Variants in ARAP2 observed in about 807,000 individuals in gnomAD.
ARAP2 encodes arf-GAP with Rho-GAP domain, ANK repeat and PH domain-containing protein 2.
Under a neutral mutation model 194.5 loss-of-function variants are expected in ARAP2, and 148 were observed. The observed-to-expected ratio is 0.76, with a 90% confidence interval of 0.67 to 0.87. The LOEUF is 0.87. Among genes scored for constraint, ARAP2 ranks in the 40% least tolerant of loss-of-function variants. ARAP2 has a pLI of 0.00. For synonymous variants in ARAP2, 695 were observed against 683.5 expected (o/e 1.02, Z -0.26); for missense variants, 2,128 against 1,989.7 (o/e 1.07, Z -1.32).
intron 31 of ARAP2, 102 bp from the exon 32 acceptor site, chr4:36,073,925 A>G: frequency 7.3e-7 from 1 of 1,378,922 alleles, no homozygotes; most frequent in Non-Finnish European, 1.0e-6. Context: ...ACATCAAATG[A>G]TCTGATTTCC....
At chr4:36,210,304 G>A in intron 6 of ARAP2, 86 bp downstream of exon 6, 1 of 1,269,864 alleles carries the variant, frequency 7.9e-7, no homozygotes, top group Non-Finnish European at 1.1e-6. Flanking sequence ...GTGGAGTGGG[G>A]GAACAGCAAC....
At chr4:36,240,299 A>C (rs1188723345) in intron 1 of ARAP2, among the ~76,000 whole-genome samples, 1 of 152,220 alleles carries the variant, frequency 6.6e-6, no homozygotes, top group Admixed American at 6.5e-5. Context: ...TTCGGTCTGC[A>C]TAGTAGTATT....
chr4:36,080,361 T>C lies in ARAP2; in HGVS notation c.4545-82A>G, dbSNP rs1729237024. ...GTGTATCTGCTGAGTGATTTGGTGA[T>C]CAAAAATCTCTGGGTCTCTCCTGAT... is the stretch of plus-strand genomic sequence containing the variant. On this transcript the variant is annotated intron_variant, in intron 30 of 32. Transcript: ENST00000303965. The C allele has an allele frequency of 3.8e-5, 43 of 1,130,824 alleles. No homozygotes were observed. In the South Asian group the frequency reaches 5.4e-4, roughly 14 times the overall value. 70.0% of individuals were successfully genotyped at this position (1,130,824 alleles called of 1,614,324 possible).
At chr4:36,080,317 G>C in intron 30 of ARAP2, 38 bp from the exon 31 acceptor site, 1 of 1,534,670 alleles carries the variant, frequency 6.5e-7, no homozygotes, top group Non-Finnish European at 9.0e-7. Context: ...CATTCAAAAA[G>C]ACAATTGACT....
chr4:36,084,362 T>A (rs1299110154), intron 28 of ARAP2, among the ~76,000 whole-genome samples: 2 of 152,106 alleles, frequency 1.3e-5, no homozygotes, highest in African/African-American at 4.8e-5. Flanking sequence ...TTGACTGGGG[T>A]AGTACCTTGT....
At chr4:36,196,656 C>T (rs1560641436) in intron 6 of ARAP2, among the ~76,000 whole-genome samples, 1 of 152,038 alleles carries the variant, frequency 6.6e-6, no homozygotes, top group Non-Finnish European at 1.5e-5. Context: ...CAGGGTGTAG[C>T]AGATGAAAGA....
At chr4:36,234,976 G>A (rs1273846959) in intron 1 of ARAP2, among the ~76,000 whole-genome samples, 2 of 152,134 alleles carry the variant, frequency 1.3e-5, no homozygotes, top group Admixed American at 1.3e-4. Context: ...AATTCCATGA[G>A]GCAACAAAAG....
At chr4:36,158,505 T>C (rs1733115654) in intron 15 of ARAP2, among the ~76,000 whole-genome samples, 1 of 152,132 alleles carries the variant, frequency 6.6e-6, no homozygotes, top group Non-Finnish European at 1.5e-5. Context: ...AAGGTAGACA[T>C]AAGTGAATTC....
chr4:36,158,660 T>C, intron 15 of ARAP2, 70 bp downstream of exon 15: 2 of 1,336,068 alleles, frequency 1.5e-6, no homozygotes, highest in Non-Finnish European at 1.0e-6. Context: ...AATCAAAATC[T>C]AAACCTAATT....
intron 2 of ARAP2, 142 bp downstream of exon 2, chr4:36,228,440 T>A (rs974368398): frequency 1.3e-6 from 1 of 778,798 alleles, no homozygotes; most frequent in Non-Finnish European, 1.9e-6. Flanking sequence ...GGATGAAGAC[T>A]TTTTTTTTAA....
intron 28 of ARAP2, among the ~76,000 whole-genome samples, chr4:36,088,510 T>C (rs1283560074): frequency 1.3e-5 from 2 of 152,114 alleles, no homozygotes; most frequent in African/African-American, 4.8e-5. Context: ...AACCACTTGA[T>C]ACCCACACAG....
Position 36,067,134 on chromosome 4 carries a change from C to A in ARAP2, c.*773G>T, listed in dbSNP as rs925541353. On this transcript the variant is annotated 3_prime_UTR_variant, in exon 33 of 33. Transcript: ENST00000303965. ...TGCAGTGTAAGTTTCCTCTTAGCAGCCACCAACAATGAGCTCAAACGTAGT... is the reference window on the plus strand; with the variant it reads ...TGCAGTGTAAGTTTCCTCTTAGCAGACACCAACAATGAGCTCAAACGTAGT... The A allele has an allele frequency of 1.3e-5, 2 of 152,280 alleles. No individual in the cohort carries two copies. The highest frequency in any genetic ancestry group is 4.8e-5 in the African/African-American group (2 of 41,430). 9.4% of individuals were successfully genotyped at this position (152,280 alleles called of 1,614,324 possible).
rs538544073 is a variant in ARAP2 at position 36,177,888 on chromosome 4, T to G, written c.1796A>C (p.Tyr599Ser). Residue 599 changes from tyrosine (Y) to serine (S), a missense_variant, in exon 9 of 33, where the codon TAT (tyrosine) becomes TCT (serine). Coordinates refer to ENST00000303965, the MANE Select transcript of ARAP2 (RefSeq NM_015230.4). Reference sequence around the variant, plus strand: ...TAACACAGTAAAAATTTTTGCCTTATAGCCTCTCAATTCAAGATATCCACA... The same window carrying G: ...TAACACAGTAAAAATTTTTGCCTTAGAGCCTCTCAATTCAAGATATCCACA... ...EKCGYLELRG[Y>S]KAKIFTVLSG... The G allele has an allele frequency of 6.2e-7, 1 of 1,613,424 alleles. No homozygotes were observed. Among genetic ancestry groups the G allele is most frequent in the African/African-American group, 1.3e-5 (1 of 74,912 alleles).
chr4:36,069,992 G>A (rs185867131), intron 32 of ARAP2, among the ~76,000 whole-genome samples: 25 of 151,950 alleles, frequency 1.6e-4, no homozygotes, highest in Middle Eastern at 3.4e-3. Flanking sequence ...TCCCCTTTGC[G>A]TTCTGCTATA....
chr4:36,147,244 C>A (rs1729846619), intron 19 of ARAP2, 52 bp downstream of exon 19: 19 of 1,517,460 alleles, frequency 1.3e-5, no homozygotes, highest in Non-Finnish European at 1.7e-5. Context: ...AAAACAAAAT[C>A]CCGCTGCCCA....
At position 36,147,321 on chromosome 4, in the gene ARAP2, C is replaced by T. The variant is rs1343325046; in HGVS notation, c.3238G>A (p.Val1080Ile). 2.5e-6 allele frequency: 4 copies of T among 1,612,720 alleles called. No homozygotes were observed. Among genetic ancestry groups the T allele is most frequent in the South Asian group, 2.2e-5 (2 of 90,984 alleles). The change falls in exon 19 of 33, where the codon GTT (valine) becomes ATT (isoleucine). Residue 1080 changes from valine to isoleucine, a missense_variant. By Grantham distance (29) the Val-to-Ile change is conservative (BLOSUM62 3). Coordinates refer to ENST00000303965, the MANE Select transcript of ARAP2 (RefSeq NM_015230.4). ...CTCCCTTTTTCTACCAAGAGTAAAA[C>T]ATCCAGTTTTTCCCCATTTTGAACC... The part of the protein sequence containing the change: ...TMVQNGEKLD[V>I]LLLVEKGRTL...
At position 36,109,801 on chromosome 4, in the gene ARAP2, G is replaced by A. The variant is rs541868762; in HGVS notation, c.4157-2108C>T. The stretch of plus-strand genomic sequence containing the variant: ...ATATGTATACATGTGCCATGTTGGT[G>A]TGCTGCACCCATTAACTCATCATTT... On this transcript the variant is annotated intron_variant, in intron 26 of 32. Coordinates refer to ENST00000303965, the MANE Select transcript of ARAP2 (RefSeq NM_015230.4). 4.2e-4 allele frequency among the ~76,000 whole-genome samples: 64 copies of A among 151,662 alleles called. 1 individual carries two copies. The highest frequency in any genetic ancestry group is 1.6e-4 in the Non-Finnish European group (11 of 67,808).
At chr4:36,215,018 T>C (rs1271385061) in intron 2 of ARAP2, among the ~76,000 whole-genome samples, 1 of 152,212 alleles carries the variant, frequency 6.6e-6, no homozygotes, top group Non-Finnish European at 1.5e-5. Context: ...AGGGCAATTA[T>C]TTAGAATACA....
At chr4:36,228,560 A>G in intron 2 of ARAP2, 22 bp downstream of exon 2, 1 of 1,540,870 alleles carries the variant, frequency 6.5e-7, no homozygotes, top group Non-Finnish European at 8.7e-7. Context: ...GAATATTTAC[A>G]GCTTATTGTA....
Sources: gnomAD v4.1 joint callset for allele counts (sites outside exome capture counted in the v4.1 genomes callset) on GRCh38, gnomAD v4.1.1 for gene constraint, MANE v1.5 for transcripts, NCBI Gene and HGNC (gene_info 2026-07-23, HGNC 2026-07-21) for gene names.